Variants in NRDE2 observed in about 807,000 individuals in gnomAD.
NRDE2 encodes nuclear exosome regulator NRDE2.
NRDE2 carries 76 observed loss-of-function variants against 124.2 expected under a neutral mutation model. The observed-to-expected ratio is 0.61, with a 90% CI of 0.51 to 0.74. The LOEUF is 0.74. Among genes scored for constraint, NRDE2 ranks in the 30% least tolerant of loss-of-function variants. The pLI is 0.00. For missense variants in NRDE2, 1,314 were observed against 1,417.3 expected (o/e 0.93, Z 1.17); for synonymous variants, 489 against 528.1 (o/e 0.93, Z 1.01).
At chr14:90,328,592 C>T (rs2139721182) in intron 1 of NRDE2, among the ~76,000 whole-genome samples, 1 of 152,308 alleles carries the variant, frequency 6.6e-6, no homozygotes, top group African/African-American at 2.4e-5. Context: ...CTTAACATCA[C>T]TAAAACAGAG....
At chr14:90,296,969 G>C (rs1884189147) in intron 8 of NRDE2, among the ~76,000 whole-genome samples, 2 of 151,848 alleles carry the variant, frequency 1.3e-5, no homozygotes, top group South Asian at 4.2e-4. Flanking sequence ...GTGAAACCTT[G>C]TCTCTACTAA....
chr14:90,317,977 G>A (rs751478718), intron 2 of NRDE2, 28 bp downstream of exon 2: 40 of 1,582,670 alleles, frequency 2.5e-5, no homozygotes, highest in Middle Eastern at 3.3e-4. Flanking sequence ...TGACAAAAAC[G>A]AAAACACATC....
At chr14:90,328,238 CGG>C (rs942086732) in intron 1 of NRDE2, among the ~76,000 whole-genome samples, 1 of 142,640 alleles carries the variant, frequency 7.0e-6, no homozygotes, top group African/African-American at 2.6e-5. Context: ...ACCCAAGAGG[CGG>C]AGGTTGCAGT....
Position 90,302,729 on chromosome 14 carries a change from C to A in NRDE2, c.1402G>T (p.Ala468Ser), listed in dbSNP as rs1305826374. Residue 468 changes from alanine (A) to serine (S), a missense_variant, in exon 6 of 14, where the codon GCC (alanine) becomes TCC (serine). Transcript: ENST00000354366. ...SHPALPGTEEAMFALFLQQCH... is the reference protein window; with the variant it reads ...SHPALPGTEESMFALFLQQCH... ...CTGGTTATCTCCTTACCAAACATGGCCTCTTCCGTGCCAGGCAACGCAGGG... is the reference window on the plus strand; with the variant it reads ...CTGGTTATCTCCTTACCAAACATGGACTCTTCCGTGCCAGGCAACGCAGGG... 4.4e-6 allele frequency: 7 copies of A among 1,604,404 alleles called. No individual in the cohort carries two copies. Among genetic ancestry groups the A allele is most frequent in the Non-Finnish European group, 6.0e-6 (7 of 1,174,804 alleles).
rs113672687 is a variant in NRDE2 at position 90,274,065 on chromosome 14, C to T, written c.*4271G>A. On this transcript the variant is annotated 3_prime_UTR_variant, in exon 14 of 14. Coordinates refer to ENST00000354366, the MANE Select transcript of NRDE2 (RefSeq NM_017970.4). ...CTTAGGGTGTGGCCATCTTTAGGGG[C>T]GCCACTCTGCCTACCACAGAGGACA... The T allele has an allele frequency of 0.013, 2,036 of 154,926 alleles. 38 individuals are homozygous for T. Among genetic ancestry groups the T allele is most frequent in the African/African-American group, 0.04 (1,649 of 41,590 alleles). 9.6% of individuals were successfully genotyped at this position (154,926 alleles called of 1,614,324 possible).
At chr14:90,326,510 A>G (rs1024443695) in intron 1 of NRDE2, among the ~76,000 whole-genome samples, 2 of 151,812 alleles carry the variant, frequency 1.3e-5, no homozygotes, top group African/African-American at 4.8e-5. Flanking sequence ...CAAAAAAAAA[A>G]AAAAAAAAGA....
intron 2 of NRDE2, among the ~76,000 whole-genome samples, chr14:90,317,055 T>C (rs929746612): frequency 2.0e-5 from 3 of 152,188 alleles, no homozygotes; most frequent in Admixed American, 6.5e-5. Flanking sequence ...CTATACTTTC[T>C]TATTTATACA....
intron 12 of NRDE2, among the ~76,000 whole-genome samples, chr14:90,284,541 G>T (rs973777038): frequency 2.0e-5 from 3 of 151,586 alleles, no homozygotes; most frequent in Non-Finnish European, 4.4e-5. Context: ...AATTTTTTTT[G>T]TATTTTTAGT....
chr14:90,326,338 C>T (rs900817877), intron 1 of NRDE2, among the ~76,000 whole-genome samples: 3 of 150,754 alleles, frequency 2.0e-5, no homozygotes, highest in Admixed American at 2.0e-4. Context: ...ACTAAAAATA[C>T]AAAAAATTAG....
At chr14:90,299,028 G>A (rs961328832) in intron 7 of NRDE2, among the ~76,000 whole-genome samples, 1 of 151,976 alleles carries the variant, frequency 6.6e-6, no homozygotes, top group Non-Finnish European at 1.5e-5. Flanking sequence ...GGCGACCAGG[G>A]AGTAAAAAGG....
At chr14:90,298,790 C>A (rs148977435) in intron 7 of NRDE2, among the ~76,000 whole-genome samples, 118 of 152,316 alleles carry the variant, frequency 7.7e-4, no homozygotes, top group Admixed American at 1.3e-3. Context: ...CCAGTCTAAC[C>A]AGGGACAGTG....
Position 90,278,496 on chromosome 14 carries a change from C to T in NRDE2, c.3370-35G>A, listed in dbSNP as rs114392198. On this transcript the variant is annotated intron_variant, in intron 13 of 13. Transcript: ENST00000354366. Reference sequence around the variant, plus strand: ...AGGCAGGAAGGCCGCCCCACTCAGCCGCCACTTCCTGTCAGCCTGGAGGAG... The same window carrying T: ...AGGCAGGAAGGCCGCCCCACTCAGCTGCCACTTCCTGTCAGCCTGGAGGAG... The T allele has an allele frequency of 1.5e-3, 2,431 of 1,610,584 alleles. 35 individuals are homozygous for T. In the African/African-American group the frequency reaches 0.028, roughly 19 times the overall value.
intron 1 of NRDE2, among the ~76,000 whole-genome samples, chr14:90,321,813 A>G (rs1885255879): frequency 6.6e-6 from 1 of 152,240 alleles, no homozygotes; most frequent in Admixed American, 6.5e-5. Context: ...ATGGACTTCC[A>G]AACTTTTCTT....
intron 3 of NRDE2, among the ~76,000 whole-genome samples, chr14:90,314,550 A>C (rs1336602576): frequency 6.6e-6 from 1 of 152,192 alleles, no homozygotes; most frequent in African/African-American, 2.4e-5. Flanking sequence ...TCAAGTTCTA[A>C]AGATAGTTCC....
Position 90,304,184 on chromosome 14 carries a change from G to A in NRDE2, c.756C>T (p.Ser252=). 3 of 1,614,202 alleles carry A rather than the reference G, an allele frequency of 1.9e-6. No homozygotes were observed. The highest frequency in any genetic ancestry group is 2.5e-6 in the Non-Finnish European group (3 of 1,180,048). Residue 252 remains serine (S), a synonymous_variant, in exon 5 of 14, where the codon TCC becomes TCT. Transcript: ENST00000354366. ...CTTCCAAGTCCTTCACTGGTATAAA[G>A]GAGATGGGCTCAGATGAGGGAGGTT... ...KTEPPSSEPI[S]FIPVKDLEDA...
intron 1 of NRDE2, among the ~76,000 whole-genome samples, 180 bp downstream of exon 1, chr14:90,331,661 A>C (rs1001723768): frequency 2.6e-5 from 4 of 152,210 alleles, no homozygotes; most frequent in Non-Finnish European, 5.9e-5. Flanking sequence ...TTGGTCCAGA[A>C]CAGGCCTCTG....
Position 90,268,699 on chromosome 14 carries a change from G to C in NRDE2, c.*9637C>G, listed in dbSNP as rs1175227569. 1 of 306,898 alleles carries C rather than the reference G, an allele frequency of 3.3e-6. No homozygotes were observed. The highest frequency in any genetic ancestry group is 2.2e-5 in the African/African-American group (1 of 46,392). The allele number at this position is 306,898 out of a possible 1,614,324, so 19.0% of individuals were successfully genotyped here. On this transcript the variant is annotated 3_prime_UTR_variant, in exon 14 of 14. Transcript: ENST00000354366. ...GACACAGTTGTGAGCACAAGTCTCT[G>C]CCCTGGAGGAGCTCACAGGTTGTAG...
At position 90,270,347 on chromosome 14, in the gene NRDE2, A is replaced by G. The variant is rs776027100; in HGVS notation, c.*7989T>C. The stretch of plus-strand genomic sequence containing the variant: ...TAAAGATGACCTCTCTGGTGCTGAC[A>G]TCAAGGTGAGAGCCTAGCCGTGTCA... On this transcript the variant is annotated 3_prime_UTR_variant, in exon 14 of 14. Transcript: ENST00000354366. The G allele has an allele frequency of 3.7e-6, 6 of 1,612,850 alleles. No homozygotes were observed. The highest frequency in any genetic ancestry group is 3.3e-4 in the Middle Eastern group (2 of 6,058).
At chr14:90,304,467 C>T (rs2139692548) in intron 4 of NRDE2, 85 bp from the exon 5 acceptor site, 1 of 1,008,472 alleles carries the variant, frequency 9.9e-7, no homozygotes, top group Non-Finnish European at 1.4e-6. Flanking sequence ...CCTAAACTCT[C>T]GTTATGCAGG....
Sources: gnomAD v4.1 joint callset for allele counts (sites outside exome capture counted in the v4.1 genomes callset) on GRCh38, gnomAD v4.1.1 for gene constraint, MANE v1.5 for transcripts, NCBI Gene and HGNC (gene_info 2026-07-23, HGNC 2026-07-21) for gene names.